PUM1: variants seen among roughly 807,000 people sequenced by gnomAD.
PUM1 encodes the protein pumilio homolog 1.
A neutral mutation model predicts 131.8 loss-of-function variants in PUM1; 13 were observed. The observed-to-expected ratio is 0.10, with a 90% CI of 0.06 to 0.16. The LOEUF is 0.16. Ranked by LOEUF, PUM1 falls within the 10% of genes least tolerant of loss-of-function variation. PUM1 has a pLI of 1.00. For missense variants in PUM1, 961 were observed against 1,512.4 expected (o/e 0.64, Z 6.05); for synonymous variants, 509 against 556.5 (o/e 0.91, Z 1.20).
In PUM1 at chr1:30,974,646, T is replaced by A. The variant is rs1641065148; in HGVS notation, c.1506+5A>T. ...TTAGAAGAGGTAAATTTTGTCTACA[T>A]TTACCTGCTGCTGTCCTTGCTGAGC... On this transcript the variant is annotated splice_donor_5th_base_variant and intron_variant, in intron 10 of 21. Transcript: ENST00000426105. 3 of 1,599,662 alleles carry A rather than the reference T, an allele frequency of 1.9e-6. No individual in the cohort carries two copies. In the African/African-American group the frequency reaches 4.0e-5, roughly 21 times the overall value.
chr1:30,972,272 G>GCA (rs1640907245), intron 10 of PUM1, among the ~76,000 whole-genome samples: 1 of 794 alleles, frequency 1.3e-3, no homozygotes, highest in Non-Finnish European at 2.0e-3. Context: ...AGAAAAGAAG[G>GCA]GAAGGGAAGG....
At chr1:30,951,264 T>C (rs1639922908) in intron 16 of PUM1, among the ~76,000 whole-genome samples, 1 of 152,166 alleles carries the variant, frequency 6.6e-6, no homozygotes, top group Admixed American at 6.5e-5. Context: ...AAGCTCAGTA[T>C]TTTTATATAT....
In PUM1 at chr1:30,968,442, C is replaced by A; in HGVS notation, c.1557G>T (p.Gln519His). The A allele has an allele frequency of 6.3e-7, 1 of 1,598,076 alleles. No homozygotes were observed. Among genetic ancestry groups the A allele is most frequent in the East Asian group, 2.3e-5 (1 of 44,346 alleles). The change falls in exon 11 of 22, where the codon CAG becomes CAT. Residue 519 changes from glutamine (Q) to histidine (H), a missense_variant. Coordinates refer to ENST00000426105, the MANE Select transcript of PUM1 (RefSeq NM_001020658.2). ...CAAGGGGATCCGTTTGCTGTCCCTG[C>A]TGGTTCTGGTTTGGGGTCAAAGGAC... ...SQRPLTPNQN[Q>H]QGQQTDPLVA...
chr1:31,026,272 G>A (rs1345420470), intron 3 of PUM1, among the ~76,000 whole-genome samples: 3 of 146,722 alleles, frequency 2.0e-5, no homozygotes, highest in Non-Finnish European at 4.5e-5. Context: ...AAAAAAAAAA[G>A]AAAAGGAAAA....
intron 2 of PUM1, among the ~76,000 whole-genome samples, chr1:31,038,984 A>ATATATATTTTTTTT: frequency 2.6e-4 from 13 of 49,404 alleles, no homozygotes; most frequent in African/African-American, 1.0e-3. Context: ...ATATATATAT[A>ATATATATTTTTTTT]TTTTTTTTTT....
Position 31,005,913 on chromosome 1 carries a change from G to A in PUM1, c.660C>T (p.Ser220=). The change falls in exon 5 of 22, where the codon AGC becomes AGT. Residue 220 remains serine, a synonymous_variant. Coordinates refer to ENST00000426105, the MANE Select transcript of PUM1 (RefSeq NM_001020658.2). Reference sequence around the variant, plus strand: ...ATGAGCTCAACACATACTCCACCATGCTAACGCCTAGTCCCCCACTCTCCG... The same window carrying A: ...ATGAGCTCAACACATACTCCACCATACTAACGCCTAGTCCCCCACTCTCCG... The part of the protein sequence containing the change: ...PRSESGGLGV[S]MVEYVLSSSP... The A allele has an allele frequency of 6.2e-7, 1 of 1,613,626 alleles. No individual in the cohort carries two copies. The highest frequency in any genetic ancestry group is 1.7e-5 in the Admixed American group (1 of 59,908).
intron 5 of PUM1, among the ~76,000 whole-genome samples, chr1:30,995,858 T>A (rs954496594): frequency 1.3e-5 from 2 of 152,202 alleles, no homozygotes; most frequent in Non-Finnish European, 2.9e-5. Flanking sequence ...GACCCTTAAA[T>A]TTTTTAATGC....
chr1:31,053,941 A>G (rs1318004075), intron 2 of PUM1, among the ~76,000 whole-genome samples: 2 of 151,908 alleles, frequency 1.3e-5, no homozygotes, highest in Non-Finnish European at 2.9e-5. Flanking sequence ...CTAAAAATAC[A>G]AAATTAGCCG....
At chr1:31,038,516 C>G (rs1258912015) in intron 2 of PUM1, among the ~76,000 whole-genome samples, 4 of 152,078 alleles carry the variant, frequency 2.6e-5, no homozygotes, top group African/African-American at 9.7e-5. Context: ...TCTTATCTCC[C>G]TAAAAATAAT....
At chr1:30,955,338 G>A in intron 14 of PUM1, among the ~76,000 whole-genome samples, 1 of 149,960 alleles carries the variant, frequency 6.7e-6, no homozygotes. Context: ...GTGGTGGCAG[G>A]TGCCTGTAAT....
At chr1:31,035,477 C>T (rs1247819435) in intron 2 of PUM1, among the ~76,000 whole-genome samples, 3 of 152,024 alleles carry the variant, frequency 2.0e-5, no homozygotes, top group Non-Finnish European at 2.9e-5. Context: ...GTTGGTGGGG[C>T]GCAGTGGCTC....
intron 2 of PUM1, among the ~76,000 whole-genome samples, chr1:31,039,531 C>A (rs1379273274): frequency 6.6e-6 from 1 of 152,096 alleles, no homozygotes; most frequent in Non-Finnish European, 1.5e-5. Flanking sequence ...CCTACCCAGG[C>A]TAAAACTTTT....
intron 20 of PUM1, 112 bp downstream of exon 20, chr1:30,941,039 T>C: frequency 7.7e-7 from 1 of 1,291,768 alleles, no homozygotes; most frequent in Non-Finnish European, 1.1e-6. Context: ...TTAAGCTATA[T>C]ATACTTTGAA....
chr1:31,019,813 G>T (rs1299396979), intron 3 of PUM1, among the ~76,000 whole-genome samples: 1 of 152,124 alleles, frequency 6.6e-6, no homozygotes, highest in Non-Finnish European at 1.5e-5. Context: ...GGGCTTTTCT[G>T]CATGATACAG....
intron 2 of PUM1, among the ~76,000 whole-genome samples, chr1:31,038,973 T>TAC (rs1557599148): frequency 9.6e-4 from 34 of 35,270 alleles, no homozygotes; most frequent in Non-Finnish European, 1.5e-3. Context: ...TATATATATA[T>TAC]ATATATATAT....
intron 3 of PUM1, among the ~76,000 whole-genome samples, chr1:31,021,747 G>C (rs1409559336): frequency 6.6e-6 from 1 of 152,040 alleles, no homozygotes; most frequent in African/African-American, 2.4e-5. Flanking sequence ...CTTGCTACTT[G>C]AATTCCCCTT....
rs774826301 is a variant in PUM1, at chr1:30,966,055, T to C, written c.2013A>G (p.Thr671=). 1.1e-5 allele frequency: 17 copies of C among 1,614,058 alleles called. No homozygotes were observed. The highest frequency in any genetic ancestry group is 1.4e-5 in the Non-Finnish European group (17 of 1,179,982). ...AACTGCTACTTCCGAATCCCAAGGA[T>C]GTGTTGGCAGGCTGGGCAGAGCCCT... The part of the protein sequence containing the change: ...FSQGSAQPAN[T]SLGFGSSSSL... Residue 671 remains threonine, a synonymous_variant, in exon 13 of 22, where the codon ACA becomes ACG. Transcript: ENST00000426105.
chr1:31,039,609 A>G (rs1283054584), intron 2 of PUM1, among the ~76,000 whole-genome samples: 1 of 152,204 alleles, frequency 6.6e-6, no homozygotes, highest in Non-Finnish European at 1.5e-5. Context: ...GTGTATATAA[A>G]AAGATGTTAG....
At chr1:30,972,705 C>G (rs1640968660) in intron 10 of PUM1, among the ~76,000 whole-genome samples, 1 of 150,964 alleles carries the variant, frequency 6.6e-6, no homozygotes, top group Non-Finnish European at 1.5e-5. Flanking sequence ...ACCCAGGAGG[C>G]AGAGGTTGCA....
Sources: allele counts gnomAD v4.1 joint callset (sites outside exome capture counted in the v4.1 genomes callset), GRCh38; gene constraint gnomAD v4.1.1; transcripts MANE v1.5; gene names NCBI Gene and HGNC (gene_info 2026-07-23, HGNC 2026-07-21).